The following MDGA2 variants were observed in gnomAD, a reference collection of about 807,000 sequenced individuals.
MDGA2 encodes the protein MAM domain containing glycosylphosphatidylinositol anchor 2.
MDGA2 carries 40 observed loss-of-function variants against 117.8 expected under a neutral mutation model. That is an observed-to-expected ratio of 0.34 (90% CI 0.26 to 0.44). MDGA2 has a LOEUF of 0.44. Among genes scored for constraint, MDGA2 ranks in the 20% least tolerant of loss-of-function variants. The pLI, the probability that MDGA2 is intolerant of heterozygous loss-of-function variation, is 1.00. For synonymous variants in MDGA2, 452 were observed against 439.0 expected (o/e 1.03, Z -0.37); for missense variants, 1,123 against 1,250.6 (o/e 0.90, Z 1.54).
chr14:46,886,318 T>C (rs1270790702), intron 10 of MDGA2, among the ~76,000 whole-genome samples: 2 of 152,016 alleles, frequency 1.3e-5, no homozygotes, highest in African/African-American at 2.4e-5. Context: ...ATATAAAATA[T>C]AGCATGAAAA....
intron 3 of MDGA2, among the ~76,000 whole-genome samples, chr14:47,149,156 G>A (rs1028277650): frequency 1.3e-5 from 2 of 152,064 alleles, no homozygotes; most frequent in Non-Finnish European, 2.9e-5. Context: ...CAGGCATGGT[G>A]GCAGGCACCT....
At chr14:47,147,549 G>C (rs562966162) in intron 3 of MDGA2, among the ~76,000 whole-genome samples, 1 of 152,108 alleles carries the variant, frequency 6.6e-6, no homozygotes, top group African/African-American at 2.4e-5. Context: ...GCTACTCCTC[G>C]CTAGGAGACA....
chr14:47,516,378 C>A (rs1029274818), intron 1 of MDGA2, among the ~76,000 whole-genome samples: 5 of 152,152 alleles, frequency 3.3e-5, no homozygotes, highest in African/African-American at 1.2e-4. Context: ...CAGTAGCCCC[C>A]AGATATTCCT....
intron 8 of MDGA2, among the ~76,000 whole-genome samples, chr14:47,020,778 A>C (rs1222038848): frequency 6.6e-6 from 1 of 152,186 alleles, no homozygotes; most frequent in Admixed American, 6.5e-5. Flanking sequence ...TTTCAACTCC[A>C]GACAAATGTA....
chr14:47,093,399 G>A (rs1389014867), intron 6 of MDGA2, among the ~76,000 whole-genome samples: 2 of 152,004 alleles, frequency 1.3e-5, no homozygotes, highest in Non-Finnish European at 2.9e-5. Context: ...GAGAGATGTA[G>A]GCATTTCTAA....
chr14:47,659,608 T>C (rs560339617), intron 1 of MDGA2, among the ~76,000 whole-genome samples: 3 of 152,322 alleles, frequency 2.0e-5, no homozygotes, highest in East Asian at 1.9e-4. Context: ...AACCACAACA[T>C]AGAGATGTAC....
At chr14:47,355,396 T>G (rs112699049) in intron 1 of MDGA2, among the ~76,000 whole-genome samples, 3,238 of 152,216 alleles carry the variant, frequency 0.021, 115 homozygotes, top group African/African-American at 0.073. Flanking sequence ...AGCCTGGCTG[T>G]AGTGGGCCCT....
At chr14:47,219,221 T>G (rs1430202905) in intron 2 of MDGA2, among the ~76,000 whole-genome samples, 2 of 152,100 alleles carry the variant, frequency 1.3e-5, no homozygotes, top group Non-Finnish European at 2.9e-5. Flanking sequence ...ATTGCCATTA[T>G]ATATACCTAT....
At chr14:47,249,839 C>T (rs935549515) in intron 2 of MDGA2, among the ~76,000 whole-genome samples, 1 of 152,100 alleles carries the variant, frequency 6.6e-6, no homozygotes, top group Non-Finnish European at 1.5e-5. Flanking sequence ...CTTTGTATTT[C>T]TTTTGTGTTG....
rs185831243 is a variant in MDGA2 at position 47,496,820 on chromosome 14, G to T, written c.280+177697C>A. ...TATATGCTCAGTAAAATAAAACAAT[G>T]GTCCCCAACCTTTCTGGCAACAGGG... On this transcript the variant is annotated intron_variant, in intron 1 of 16. Transcript: ENST00000399232. Among the ~76,000 whole-genome samples the T allele has an allele frequency of 6.2e-4, 94 of 151,338 alleles. 1 individual carries two copies. Among genetic ancestry groups the T allele is most frequent in the Middle Eastern group, 3.5e-3 (1 of 288 alleles).
At chr14:47,229,139 T>C (rs1482918204) in intron 2 of MDGA2, among the ~76,000 whole-genome samples, 2 of 152,120 alleles carry the variant, frequency 1.3e-5, no homozygotes, top group African/African-American at 4.8e-5. Flanking sequence ...GCTTGCTAAA[T>C]TAACTATTTT....
At chr14:47,442,078 C>T (rs1423336677) in intron 1 of MDGA2, among the ~76,000 whole-genome samples, 1 of 152,114 alleles carries the variant, frequency 6.6e-6, no homozygotes. Flanking sequence ...GGGGCTCAAA[C>T]AAACACTACT....
intron 9 of MDGA2, among the ~76,000 whole-genome samples, chr14:46,939,456 T>C (rs1041862808): frequency 2.0e-5 from 3 of 152,168 alleles, no homozygotes; most frequent in African/African-American, 7.2e-5. Flanking sequence ...ATCTTTCTAT[T>C]CATGACCTTG....
At chr14:47,581,778 A>G (rs1896233073) in intron 1 of MDGA2, among the ~76,000 whole-genome samples, 1 of 151,984 alleles carries the variant, frequency 6.6e-6, no homozygotes, top group South Asian at 2.1e-4. Flanking sequence ...TTTATGCAGG[A>G]AAGTAAATGT....
chr14:47,085,526 T>C (rs192958966), intron 6 of MDGA2, among the ~76,000 whole-genome samples: 53 of 152,270 alleles, frequency 3.5e-4, no homozygotes, highest in Admixed American at 9.2e-4. Flanking sequence ...TGACAGCAGA[T>C]TATATGCATT....
intron 3 of MDGA2, among the ~76,000 whole-genome samples, chr14:47,160,340 T>G (rs1393194887): frequency 6.6e-6 from 1 of 152,190 alleles, no homozygotes; most frequent in Non-Finnish European, 1.5e-5. Flanking sequence ...TTGGTTATTC[T>G]CAGGCATCTA....
intron 7 of MDGA2, among the ~76,000 whole-genome samples, chr14:47,047,736 G>A (rs1019080881): frequency 6.6e-6 from 1 of 151,838 alleles, no homozygotes; most frequent in East Asian, 1.9e-4. Flanking sequence ...TATAGATTTT[G>A]TTTTATTCAT....
intron 11 of MDGA2, among the ~76,000 whole-genome samples, chr14:46,880,100 G>T (rs1267699572): frequency 6.6e-6 from 1 of 152,012 alleles, no homozygotes; most frequent in African/African-American, 2.4e-5. Context: ...GGCTGAAGTG[G>T]GTGGATCACC....
intron 8 of MDGA2, among the ~76,000 whole-genome samples, chr14:47,016,418 G>A (rs1888085268): frequency 2.0e-5 from 3 of 152,010 alleles, no homozygotes; most frequent in East Asian, 1.9e-4. Flanking sequence ...AAGAAAACTA[G>A]CTGAGATCAT....
Sources: gnomAD v4.1 joint callset for allele counts (sites outside exome capture counted in the v4.1 genomes callset) on GRCh38, gnomAD v4.1.1 for gene constraint, MANE v1.5 for transcripts, NCBI Gene and HGNC (gene_info 2026-07-23, HGNC 2026-07-21) for gene names.